Variants in ADAMTSL1 observed in about 807,000 individuals in gnomAD.
The protein encoded by ADAMTSL1 is ADAMTS like 1.
In ADAMTSL1, 126 loss-of-function variants were observed where a neutral mutation model predicts 201.8. The ratio of observed to expected loss-of-function variants is 0.62; its 90% confidence interval spans 0.54 to 0.72. The LOEUF is 0.72. Ranked by LOEUF, ADAMTSL1 falls within the 30% of genes least tolerant of loss-of-function variation. The pLI, the probability that ADAMTSL1 is intolerant of heterozygous loss-of-function variation, is 0.00. For synonymous variants in ADAMTSL1, 1,121 were observed against 903.4 expected, an observed-to-expected ratio of 1.24 and a Z score of -4.32; for missense variants, 2,679 against 2,277.8, an observed-to-expected ratio of 1.18 and a Z score of -3.59.
chr9:18,642,721 A>G (rs1368443457), intron 7 of ADAMTSL1, among the ~76,000 whole-genome samples: 1 of 151,924 alleles, frequency 6.6e-6, no homozygotes, highest in Non-Finnish European at 1.5e-5. Context: ...ATTTAACATA[A>G]TGTTCTCCAG....
chr9:18,386,342 C>G (rs1177315692), intron 2 of ADAMTSL1, among the ~76,000 whole-genome samples: 1 of 152,174 alleles, frequency 6.6e-6, no homozygotes, highest in East Asian at 1.9e-4. Context: ...TGCATGATTT[C>G]TCAACCATGA....
intron 4 of ADAMTSL1, among the ~76,000 whole-genome samples, chr9:18,592,265 A>G (rs1030104747): frequency 6.6e-6 from 1 of 152,100 alleles, no homozygotes; most frequent in Non-Finnish European, 1.5e-5. Context: ...ATTGCTTGTC[A>G]TATAAAATCC....
chr9:18,550,813 C>A (rs765878074), intron 3 of ADAMTSL1, among the ~76,000 whole-genome samples: 2 of 151,750 alleles, frequency 1.3e-5, no homozygotes, highest in Non-Finnish European at 2.9e-5. Context: ...CTGACCATAA[C>A]TTTGGTGGGT....
chr9:18,040,431 G>T (rs562497751), intron 1 of ADAMTSL1, among the ~76,000 whole-genome samples: 1 of 152,268 alleles, frequency 6.6e-6, no homozygotes, highest in South Asian at 2.1e-4. Flanking sequence ...TCAACTAGTT[G>T]GGCTGTGGCT....
At chr9:18,619,378 A>C (rs1181704153) in intron 4 of ADAMTSL1, among the ~76,000 whole-genome samples, 5 of 152,104 alleles carry the variant, frequency 3.3e-5, no homozygotes, top group Non-Finnish European at 5.9e-5. Flanking sequence ...AGATTTTGGC[A>C]TCTTGAAGAG....
At chr9:17,957,700 C>G (rs1050526967) in intron 1 of ADAMTSL1, among the ~76,000 whole-genome samples, 1 of 152,124 alleles carries the variant, frequency 6.6e-6, no homozygotes, top group African/African-American at 2.4e-5. Flanking sequence ...GAATGTAATA[C>G]TGAATTAGAG....
chr9:18,322,953 A>G (rs1200460642), intron 2 of ADAMTSL1, among the ~76,000 whole-genome samples: 1 of 152,216 alleles, frequency 6.6e-6, no homozygotes, highest in Admixed American at 6.5e-5. Flanking sequence ...AGTGAGTTCT[A>G]TGAAGCATTT....
At chr9:18,464,833 AAGAG>A (rs1267711680) in intron 2 of ADAMTSL1, among the ~76,000 whole-genome samples, 1 of 152,212 alleles carries the variant, frequency 6.6e-6, no homozygotes, top group African/African-American at 2.4e-5. Context: ...AATAAAAATC[AAGAG>A]AGAAAGGGTG....
intron 4 of ADAMTSL1, among the ~76,000 whole-genome samples, chr9:18,592,199 T>G (rs538447640): frequency 5.8e-4 from 89 of 152,200 alleles, no homozygotes; most frequent in African/African-American, 2.0e-3. Flanking sequence ...TGGTGCAAGT[T>G]TGGTTTTGGG....
chr9:17,975,834 C>T (rs1818424802), intron 1 of ADAMTSL1, among the ~76,000 whole-genome samples: 1 of 151,962 alleles, frequency 6.6e-6, no homozygotes, highest in Non-Finnish European at 1.5e-5. Flanking sequence ...ATACTTTCTT[C>T]TTGGTGTTTT....
chr9:18,507,372 T>C (rs1382414142), intron 2 of ADAMTSL1, among the ~76,000 whole-genome samples: 2 of 152,202 alleles, frequency 1.3e-5, no homozygotes, highest in African/African-American at 4.8e-5. Flanking sequence ...GTATTGATTG[T>C]AGAAAATCTG....
rs6475267 is a variant in ADAMTSL1 at position 18,880,473 on chromosome 9, A to G, written c.4250-7358A>G. Among the ~76,000 whole-genome samples, 30 of 152,340 alleles carry G rather than the reference A, an allele frequency of 2.0e-4. 1 individual carries two copies. The highest frequency in any genetic ancestry group is 9.8e-4 in the Admixed American group (15 of 15,306). ...AATGAAAATAAGAATCTCCTTATAC[A>G]TCTCCATCAGAAGTCTTGGGTAGAC... On this transcript the variant is annotated intron_variant, in intron 23 of 28. Transcript: ENST00000380548.
At chr9:18,152,361 A>T (rs1416706532) in intron 1 of ADAMTSL1, among the ~76,000 whole-genome samples, 1 of 152,074 alleles carries the variant, frequency 6.6e-6, no homozygotes, top group Admixed American at 6.6e-5. Flanking sequence ...TGCAAAGTTC[A>T]GTATATGAAT....
At chr9:18,459,414 T>C (rs1204121601) in intron 2 of ADAMTSL1, among the ~76,000 whole-genome samples, 1 of 152,296 alleles carries the variant, frequency 6.6e-6, no homozygotes, top group Non-Finnish European at 1.5e-5. Flanking sequence ...TGATTTCAAG[T>C]CCTCTGTTGC....
intron 2 of ADAMTSL1, among the ~76,000 whole-genome samples, chr9:18,401,540 G>T (rs1817984423): frequency 6.6e-6 from 1 of 152,182 alleles, no homozygotes; most frequent in African/African-American, 2.4e-5. Flanking sequence ...CTTCTCTGAA[G>T]CATCACCAAA....
chr9:18,052,689 T>G (rs1002046480), intron 1 of ADAMTSL1, among the ~76,000 whole-genome samples: 1 of 152,216 alleles, frequency 6.6e-6, no homozygotes, highest in Non-Finnish European at 1.5e-5. Flanking sequence ...AAGTAGAAAC[T>G]GTATTAAAAA....
chr9:18,619,518 A>C (rs975438585), intron 4 of ADAMTSL1, among the ~76,000 whole-genome samples: 2 of 152,198 alleles, frequency 1.3e-5, no homozygotes, highest in African/African-American at 4.8e-5. Context: ...CCGTAAACCC[A>C]CACTGATAGC....
At position 18,147,624 on chromosome 9, in the gene ADAMTSL1, C is replaced by A. The variant is rs1826703475; in HGVS notation, c.88-16238C>A. Among the ~76,000 whole-genome samples the A allele has an allele frequency of 2.6e-5, 4 of 152,114 alleles. No individual in the cohort carries two copies. In the South Asian group the frequency reaches 8.3e-4, roughly 32 times the overall value. On this transcript the variant is annotated intron_variant, in intron 1 of 29. Coordinates refer to the ADAMTSL1 transcript ENST00000680146. ...CTCATTTTCACTGCCATCAACTAAG[C>A]AGAATAGGACTTTCCATAGAGTCTT...
At chr9:18,012,004 A>G (rs920647639) in intron 1 of ADAMTSL1, among the ~76,000 whole-genome samples, 9 of 151,990 alleles carry the variant, frequency 5.9e-5, no homozygotes, top group Admixed American at 2.6e-4. Context: ...AGAGTTCTAA[A>G]ATGCTCATGG....
Sources: allele counts gnomAD v4.1 joint callset (sites outside exome capture counted in the v4.1 genomes callset), GRCh38; gene constraint gnomAD v4.1.1; transcripts MANE v1.5; gene names NCBI Gene and HGNC (gene_info 2026-07-23, HGNC 2026-07-21).